Variants in SCYL2 observed in about 807,000 individuals in gnomAD.
The protein encoded by SCYL2 is SCY1-like protein 2.
SCYL2 carries 36 observed loss-of-function variants against 100.4 expected under a neutral mutation model. The ratio of observed to expected loss-of-function variants is 0.36; its 90% CI spans 0.27 to 0.47. The LOEUF (loss-of-function observed/expected upper bound fraction) is 0.47, where lower values mean the gene tolerates loss of function less well. SCYL2 is among the 20% of genes least tolerant of loss of function. SCYL2 has a pLI of 1.00. For synonymous variants in SCYL2, 330 were observed against 359.2 expected (o/e 0.92, Z 0.92); for missense variants, 902 against 1,083.9 (o/e 0.83, Z 2.36).
rs1018157680 is a variant in SCYL2 at position 100,329,225 on chromosome 12, A to G, written c.1667A>G (p.His556Arg). 6.3e-7 allele frequency: 1 copy of G among 1,597,432 alleles called. No individual in the cohort carries two copies. Among genetic ancestry groups the G allele is most frequent in the African/African-American group, 1.3e-5 (1 of 74,556 alleles). Residue 556 changes from histidine to arginine, a missense_variant, in exon 13 of 18, where the codon CAT becomes CGT. Coordinates refer to ENST00000360820, the MANE Select transcript of SCYL2 (RefSeq NM_017988.6). ...GGTATTTACAAATGTACTTTTACTC[A>G]TAAGAAGTTGGGAATCACCAAAGAG... ...ILGIYKCTFT[H>R]KKLGITKEQL...
chr12:100,330,839 T>C (rs996318696), intron 13 of SCYL2, among the ~76,000 whole-genome samples: 5 of 150,372 alleles, frequency 3.3e-5, no homozygotes, highest in African/African-American at 1.2e-4. Flanking sequence ...TCTTTTTTTT[T>C]TTTTTTTGAG....
intron 2 of SCYL2, among the ~76,000 whole-genome samples, chr12:100,284,621 C>T (rs2096302448): frequency 6.6e-6 from 1 of 152,166 alleles, no homozygotes; most frequent in African/African-American, 2.4e-5. Flanking sequence ...CACCACCATG[C>T]CTGGCTAATT....
chr12:100,320,301 T>C (rs376225040), intron 10 of SCYL2, among the ~76,000 whole-genome samples: 55 of 152,162 alleles, frequency 3.6e-4, no homozygotes, highest in African/African-American at 1.3e-3. Context: ...TCCCAGTGCT[T>C]TAGGAGGCCA....
At chr12:100,282,376 A>C (rs1592931169) in intron 1 of SCYL2, among the ~76,000 whole-genome samples, 1 of 104,656 alleles carries the variant, frequency 9.6e-6, no homozygotes, top group Non-Finnish European at 1.8e-5. Flanking sequence ...CCAAGGCTGG[A>C]GTGCTGTGGC....
At chr12:100,306,261 A>G (rs913525554) in intron 4 of SCYL2, among the ~76,000 whole-genome samples, 8 of 152,216 alleles carry the variant, frequency 5.3e-5, no homozygotes, top group African/African-American at 1.9e-4. Flanking sequence ...TCAATAAAAT[A>G]CTGACAAACC....
At chr12:100,280,971 C>G (rs1257206667) in intron 1 of SCYL2, among the ~76,000 whole-genome samples, 1 of 144,858 alleles carries the variant, frequency 6.9e-6, no homozygotes, top group Non-Finnish European at 1.5e-5. Flanking sequence ...TAAAAATAAT[C>G]TTCTGACTGT....
Position 100,335,615 on chromosome 12 carries a change from TCTC to T in SCYL2, c.1863-7_1863-5del, listed in dbSNP as rs778038351. The T allele has an allele frequency of 6.4e-7, 1 of 1,561,276 alleles. No individual in the cohort carries two copies. The highest frequency in any genetic ancestry group is 1.8e-4 in the Middle Eastern group (1 of 5,536). On this transcript the variant is annotated splice_polypyrimidine_tract_variant and splice_region_variant and intron_variant, in intron 14 of 17. Coordinates refer to ENST00000360820, the MANE Select transcript of SCYL2 (RefSeq NM_017988.6). ...TTTTATTGTTTTATCATAATTCAAC[TCTC>T]CTACAGATCTTTGGATATAGGAAAT...
chr12:100,313,344 A>C (rs946328929), intron 6 of SCYL2, 78 bp from the exon 7 acceptor site: 2 of 617,468 alleles, frequency 3.2e-6, no homozygotes, highest in African/African-American at 3.8e-5. Context: ...TATTGAGTAA[A>C]TTTTTAAATG....
chr12:100,278,571 T>G (rs2096294870), intron 1 of SCYL2, among the ~76,000 whole-genome samples: 1 of 152,112 alleles, frequency 6.6e-6, no homozygotes, highest in African/African-American at 2.4e-5. Context: ...TTTAGCAGTT[T>G]AAAGACCTCA....
At chr12:100,337,581 C>T in intron 17 of SCYL2, 75 bp downstream of exon 17, 4 of 1,337,282 alleles carry the variant, frequency 3.0e-6, no homozygotes, top group Non-Finnish European at 4.2e-6. Flanking sequence ...ACTTAGTCTA[C>T]TAGTATTTGT....
chr12:100,322,886 G>A (rs1299575529), intron 10 of SCYL2, among the ~76,000 whole-genome samples: 1 of 151,290 alleles, frequency 6.6e-6, no homozygotes, highest in East Asian at 1.9e-4. Flanking sequence ...AAATTAGCTG[G>A]GCATGATGGC....
At position 100,340,715 on chromosome 12, in the gene SCYL2, C is replaced by T. The variant is rs1952342595; in HGVS notation, c.*1543C>T. ...TTTAAAAAATAGAAGTCAGCTTTCA[C>T]ATCTGATTTCTGTATGGGCTGTACT... is the stretch of plus-strand genomic sequence containing the variant. On this transcript the variant is annotated 3_prime_UTR_variant, in exon 18 of 18. Transcript: ENST00000360820. 6.6e-6 allele frequency: 1 copy of T among 152,038 alleles called. No individual in the cohort carries two copies. The highest frequency in any genetic ancestry group is 1.5e-5 in the Non-Finnish European group (1 of 67,916). The allele number at this position is 152,038 out of a possible 1,614,324, so 9.4% of individuals were successfully genotyped here. A position where few individuals can be genotyped will look rare whatever the true frequency, so the allele number is the denominator to read the frequency against.
chr12:100,275,096 A>G (rs1341953197), intron 1 of SCYL2, among the ~76,000 whole-genome samples: 2 of 152,320 alleles, frequency 1.3e-5, no homozygotes, highest in Non-Finnish European at 2.9e-5. Flanking sequence ...TTCATTGTAT[A>G]GATCTTGCAT....
At chr12:100,297,817 G>T (rs1201535588) in intron 3 of SCYL2, among the ~76,000 whole-genome samples, 2 of 152,006 alleles carry the variant, frequency 1.3e-5, no homozygotes, top group Non-Finnish European at 2.9e-5. Flanking sequence ...ACAACACTTA[G>T]TTTAAAAGAC....
chr12:100,273,037 C>G (rs1390890802), intron 1 of SCYL2, among the ~76,000 whole-genome samples: 1 of 152,038 alleles, frequency 6.6e-6, no homozygotes, highest in Non-Finnish European at 1.5e-5. Context: ...TATTGAAGTT[C>G]TCTTCAGTCT....
In SCYL2 at chr12:100,341,104, A is replaced by G. The variant is rs970717312; in HGVS notation, c.*1932A>G. 6.6e-6 allele frequency: 1 copy of G among 152,120 alleles called. No homozygotes were observed. The highest frequency in any genetic ancestry group is 2.4e-5 in the African/African-American group (1 of 41,458). The allele number at this position is 152,120 out of a possible 1,614,324, so 9.4% of individuals were successfully genotyped here. On this transcript the variant is annotated 3_prime_UTR_variant, in exon 18 of 18. Coordinates refer to ENST00000360820, the MANE Select transcript of SCYL2 (RefSeq NM_017988.6). ...TGAAAATAAGTCATTTGAAAAAAAT[A>G]CAGTATGTAAAATTTGTTCATTCGT...
At chr12:100,293,802 C>CT (rs2049837338) in intron 3 of SCYL2, among the ~76,000 whole-genome samples, 1 of 152,118 alleles carries the variant, frequency 6.6e-6, no homozygotes, top group African/African-American at 2.4e-5. Flanking sequence ...CCATTTAACC[C>CT]TGAGTGGACA....
chr12:100,314,554 T>G lies in SCYL2; in HGVS notation c.1035T>G (p.Asp345Glu), dbSNP rs2096346166. 1 of 1,600,968 alleles carries G rather than the reference T, an allele frequency of 6.2e-7. No homozygotes were observed. Among genetic ancestry groups the G allele is most frequent in the Non-Finnish European group, 8.5e-7 (1 of 1,174,772 alleles). ...ATTTTGATACCTTATTCCAAAGAGATAATCTTCAGAAATCACAGTTTTTCA... is the reference window on the plus strand; with the variant it reads ...ATTTTGATACCTTATTCCAAAGAGAGAATCTTCAGAAATCACAGTTTTTCA... Reference protein sequence around the residue: ...LQYFDTLFQRDNLQKSQFFKG... With the variant: ...LQYFDTLFQRENLQKSQFFKG... Residue 345 changes from aspartate (D) to glutamate (E), a missense_variant, in exon 8 of 18, where the codon GAT becomes GAG. Coordinates refer to ENST00000360820, the MANE Select transcript of SCYL2 (RefSeq NM_017988.6).
Position 100,267,255 on chromosome 12 carries a change from G to A in SCYL2, c.-566G>A. The A allele has an allele frequency of 1.6e-6, 1 of 636,938 alleles. No individual in the cohort carries two copies. Among genetic ancestry groups the A allele is most frequent in the East Asian group, 2.8e-5 (1 of 35,136 alleles). 39.5% of individuals were successfully genotyped at this position (636,938 alleles called of 1,614,324 possible). ...CTTTCCTTCTAGCTCCGACGTTTGC[G>A]GCCGCGGGGGCGGCGGAGGATATGG... On this transcript the variant is annotated 5_prime_UTR_variant, in exon 1 of 18. Coordinates refer to ENST00000360820, the MANE Select transcript of SCYL2 (RefSeq NM_017988.6).
Sources: gnomAD v4.1 joint callset for allele counts (sites outside exome capture counted in the v4.1 genomes callset) on GRCh38, gnomAD v4.1.1 for gene constraint, MANE v1.5 for transcripts, NCBI Gene and HGNC (gene_info 2026-07-23, HGNC 2026-07-21) for gene names.